Variants in ZNF417 observed in about 807,000 individuals in gnomAD.
ZNF417 encodes the protein zinc finger protein 417.
Under a neutral mutation model 7.4 loss-of-function variants are expected in ZNF417, and 5 were observed. The observed-to-expected ratio is 0.68, with a 90% CI of 0.35 to 1.43. The LOEUF (loss-of-function observed/expected upper bound fraction) is 1.43. ZNF417 is among the 40% of genes most tolerant of loss of function. ZNF417 has a pLI of 0.04. For missense variants in ZNF417, 437 were observed against 697.3 expected (o/e 0.63, Z 4.20); for synonymous variants, 147 against 239.1 (o/e 0.61, Z 3.55).
Position 57,916,403 on chromosome 19 carries a change from CGCT to C in ZNF417, c.6_8del (p.Ala5del). The C allele has an allele frequency of 6.2e-7, 1 of 1,614,140 alleles. No individual in the cohort carries two copies. The highest frequency in any genetic ancestry group is 8.5e-7 in the Non-Finnish European group (1 of 1,180,048). ...CCTGAGTCGGGCGCCTCGGCGCAGC[CGCT>C]GCCATCGGACTACTTGGGGAAGCAC... On this transcript the variant is annotated inframe_deletion, in exon 1 of 3. Transcript: ENST00000312026.
In ZNF417 at chr19:57,909,271, T is replaced by C. The variant is rs2122521043; in HGVS notation, c.1007A>G (p.Lys336Arg). 1.2e-6 allele frequency: 2 copies of C among 1,614,160 alleles called. No homozygotes were observed. The highest frequency in any genetic ancestry group is 1.6e-4 in the Middle Eastern group (1 of 6,062). ...CREYGKSFGQ[K>R]GNLIQHQQGH... ...TTGCTGATGTTGAATGAGGTTACCC[T>C]TTTGACCAAAAGATTTCCCATATTC... The change falls in exon 3 of 3, where the codon AAG becomes AGG. Residue 336 changes from lysine to arginine, a missense_variant. Transcript: ENST00000312026.
rs1289280380 is a variant in ZNF417 at position 57,916,438 on chromosome 19, G to A, written c.-27C>T. ...GGACTACTTGGGGAAGCACGGCCCG[G>A]GAGCAGTGGTCGCCGTCACGGGGCT... On this transcript the variant is annotated 5_prime_UTR_variant, in exon 1 of 3. Transcript: ENST00000312026. 6.2e-7 allele frequency: 1 copy of A among 1,613,928 alleles called. No individual in the cohort carries two copies. The highest frequency in any genetic ancestry group is 1.3e-5 in the African/African-American group (1 of 75,074).
At chr19:57,910,191 C>T in intron 2 of ZNF417, 77 bp from the exon 3 acceptor site, 6 of 1,527,290 alleles carry the variant, frequency 3.9e-6, no homozygotes, top group Non-Finnish European at 4.4e-6. Context: ...GTACGTCTCA[C>T]AAATTGAGGA....
rs2071828233 is a variant in ZNF417, at chr19:57,906,424, C to T, written c.*2126G>A. 6.6e-6 allele frequency among the ~76,000 whole-genome samples: 1 copy of T among 151,944 alleles called. No homozygotes were observed. The highest frequency in any genetic ancestry group is 2.4e-5 in the African/African-American group (1 of 41,358). On this transcript the variant is annotated 3_prime_UTR_variant, in exon 3 of 3. Coordinates refer to ENST00000312026, the MANE Select transcript of ZNF417 (RefSeq NM_152475.3). ...AACTTACAATCTTATTCACATTTCT[C>T]AAGTGCCATGCCTTTAGGTGCCTAT...
chr19:57,908,722 G>A lies in ZNF417; in HGVS notation c.1556C>T (p.Pro519Leu). Residue 519 changes from proline to leucine, a missense_variant, in exon 3 of 3, where the codon CCT becomes CTT. Physicochemically the swap from Pro to Leu is moderately conservative, Grantham distance 98 (BLOSUM62 -3). Around this residue, in one of 5 missense-constraint regions of ZNF417, gnomAD observed 233 missense variants for 235.5 expected, o/e 0.99. Coordinates refer to ENST00000312026, the MANE Select transcript of ZNF417 (RefSeq NM_152475.3). ...VHKRVHSGQKPYKCSECGKSF... is the reference protein window; with the variant it reads ...VHKRVHSGQKLYKCSECGKSF... ...TTTTCCACATTCACTGCACTTATAA[G>A]GCTTTTGTCCAGAATGAACTCTTTT... 1 of 1,614,058 alleles carries A rather than the reference G, an allele frequency of 6.2e-7. No individual in the cohort carries two copies. The highest frequency in any genetic ancestry group is 8.5e-7 in the Non-Finnish European group (1 of 1,180,024).
chr19:57,910,031 T>C lies in ZNF417; in HGVS notation c.247A>G (p.Arg83Gly), dbSNP rs767571552. 1 of 1,554,798 alleles carries C rather than the reference T, an allele frequency of 6.4e-7. No individual in the cohort carries two copies. The highest frequency in any genetic ancestry group is 1.2e-5 in the South Asian group (1 of 81,880). The change falls in exon 3 of 3, where the codon AGG becomes GGG. Residue 83 changes from arginine to glycine, a missense_variant. This residue lies in a region of ZNF417 where 60 missense variants were observed against 266.0 expected (regional missense o/e 0.23). Coordinates refer to ENST00000312026, the MANE Select transcript of ZNF417 (RefSeq NM_152475.3). ...VQRESQSRTP[R>G]AGVSPKKAHP... ...GCCTTCTTAGGAGAAACACCTGCCC[T>C]AGGAGTCCTGCTCTGAGACTCTCTT...
rs867960479 is a variant in ZNF417 at position 57,909,069 on chromosome 19, A to G, written c.1209T>C (p.Thr403=). 1 of 1,614,180 alleles carries G rather than the reference A, an allele frequency of 6.2e-7. No homozygotes were observed. Among genetic ancestry groups the G allele is most frequent in the Non-Finnish European group, 8.5e-7 (1 of 1,180,030 alleles). ...CCTTGCACTCATAGGGCCTTTCTCC[A>G]GTATGACCTCGCTGATGTTGAACGA... is the stretch of plus-strand genomic sequence containing the variant. The part of the protein sequence containing the change: ...GNLVQHQRGH[T]GERPYECKEC... Residue 403 remains threonine (T), a synonymous_variant, in exon 3 of 3, where the codon ACT becomes ACC. Coordinates refer to ENST00000312026, the MANE Select transcript of ZNF417 (RefSeq NM_152475.3).
intron 1 of ZNF417, chr19:57,915,472 T>C: frequency 4.1e-6 from 2 of 492,494 alleles, no homozygotes; most frequent in Non-Finnish European, 3.8e-6. Context: ...TGCTTGTTGC[T>C]CTCCCCACCG....
At chr19:57,910,264 G>A in intron 2 of ZNF417, 150 bp from the exon 3 acceptor site, 3 of 1,463,378 alleles carry the variant, frequency 2.1e-6, no homozygotes, top group Admixed American at 2.6e-5. Context: ...TGGGGCTGCT[G>A]GCCGGGCGCA....
rs199772848 is a variant in ZNF417 at position 57,908,528 on chromosome 19, C to T, written c.*22G>A. 6 of 1,612,478 alleles carry T rather than the reference C, an allele frequency of 3.7e-6. No individual in the cohort carries two copies. Among genetic ancestry groups the T allele is most frequent in the Middle Eastern group, 1.7e-4 (1 of 6,060 alleles). On this transcript the variant is annotated 3_prime_UTR_variant, in exon 3 of 3. Transcript: ENST00000312026. ...TAATGAGACGGGATGTTTCAGCAAA[C>T]GATTTCCCATATTCACTGCACTCAT...
In ZNF417 at chr19:57,909,686, C is replaced by G. The variant is rs1353565563; in HGVS notation, c.592G>C (p.Glu198Gln). Residue 198 changes from glutamate to glutamine, a missense_variant, in exon 3 of 3, where the codon GAA (glutamate) becomes CAA (glutamine). Coordinates refer to ENST00000312026, the MANE Select transcript of ZNF417 (RefSeq NM_152475.3). ...EAAAVEKTDS[E>Q]TMHGPPFQEG... The stretch of plus-strand genomic sequence containing the variant: ...TGAAAGGGTGGGCCATGCATAGTTT[C>G]ACTGTCTGTCTTCTCTACAGCAGCT... 1.3e-6 allele frequency: 2 copies of G among 1,518,292 alleles called. No individual in the cohort carries two copies. Among genetic ancestry groups the G allele is most frequent in the East Asian group, 4.7e-5 (2 of 42,552 alleles). 94.1% of individuals were successfully genotyped at this position (1,518,292 alleles called of 1,614,324 possible). A position where few individuals can be genotyped will look rare whatever the true frequency, so the allele number is the denominator to read the frequency against.
In ZNF417 at chr19:57,909,492, G is replaced by A. The variant is rs2071875004; in HGVS notation, c.786C>T (p.His262=). ...CACAATCATAAGGTCCTTTTGCAGT[G>A]TGATCTCGCTGATGATTACTGAAGC... is the stretch of plus-strand genomic sequence containing the variant. The part of the protein sequence containing the change: ...YVSFSNHQRD[H]TAKGPYDCGE... Residue 262 remains histidine, a synonymous_variant, in exon 3 of 3, where the codon CAC becomes CAT. Transcript: ENST00000312026. 6.2e-7 allele frequency: 1 copy of A among 1,612,990 alleles called. No homozygotes were observed. The highest frequency in any genetic ancestry group is 1.1e-5 in the South Asian group (1 of 91,038).
In ZNF417 at chr19:57,909,125, A is replaced by C; in HGVS notation, c.1153T>G (p.Cys385Gly). Reference protein sequence around the residue: ...TGERPYKCGECGKSFGQKGNL... With the variant: ...TGERPYKCGEGGKSFGQKGNL... Reference sequence around the variant, plus strand: ...CCCTTTTGACCAAAAGATTTTCCACATTCTCCACACTTGTAAGGCCTTTCT... The same window carrying C: ...CCCTTTTGACCAAAAGATTTTCCACCTTCTCCACACTTGTAAGGCCTTTCT... Residue 385 changes from cysteine (C) to glycine (G), a missense_variant, in exon 3 of 3, where the codon TGT (cysteine) becomes GGT (glycine). Physicochemically the swap from Cys to Gly is radical, Grantham distance 159. Coordinates refer to ENST00000312026, the MANE Select transcript of ZNF417 (RefSeq NM_152475.3). 1.2e-6 allele frequency: 2 copies of C among 1,614,154 alleles called. No homozygotes were observed. Among genetic ancestry groups the C allele is most frequent in the Non-Finnish European group, 1.7e-6 (2 of 1,180,038 alleles).
At chr19:57,910,317 G>A (rs1370686055) in intron 2 of ZNF417, among the ~76,000 whole-genome samples, 20 of 151,184 alleles carry the variant, frequency 1.3e-4, no homozygotes, top group Middle Eastern at 6.9e-3. Flanking sequence ...AGGCTGAGGC[G>A]GGTGGATCAC....
rs574942063 is a variant in ZNF417 at position 57,908,545 on chromosome 19, T to C, written c.*5A>G. 2.7e-5 allele frequency: 43 copies of C among 1,614,186 alleles called. No individual in the cohort carries two copies. Among genetic ancestry groups the C allele is most frequent in the Non-Finnish European group, 3.6e-5 (43 of 1,180,028 alleles). ...TCAGCAAACGATTTCCCATATTCAC[T>C]GCACTCATAAGGCCTTTCTCCTGTG... On this transcript the variant is annotated 3_prime_UTR_variant, in exon 3 of 3. Transcript: ENST00000312026.
chr19:57,914,698 C>G (rs768967337), intron 1 of ZNF417, among the ~76,000 whole-genome samples: 19 of 152,156 alleles, frequency 1.2e-4, no homozygotes, highest in African/African-American at 1.7e-4. Context: ...AGCCGGTAGC[C>G]AGTAGAACTG....
intron 2 of ZNF417, among the ~76,000 whole-genome samples, chr19:57,911,446 G>A (rs997792438): frequency 6.6e-6 from 1 of 152,142 alleles, no homozygotes; most frequent in African/African-American, 2.4e-5. Context: ...TGAGCCTATC[G>A]TGATGAGCCT....
intron 2 of ZNF417, among the ~76,000 whole-genome samples, 192 bp from the exon 3 acceptor site, chr19:57,910,306 G>T (rs2071889282): frequency 6.6e-6 from 1 of 151,574 alleles, no homozygotes; most frequent in Admixed American, 6.6e-5. Context: ...AGCACTTTGG[G>T]AGGCTGAGGC....
In ZNF417 at chr19:57,908,226, T is replaced by C. The variant is rs1225660996; in HGVS notation, c.*324A>G. 2 of 398,226 alleles carry C rather than the reference T, an allele frequency of 5.0e-6. No individual in the cohort carries two copies. Among genetic ancestry groups the C allele is most frequent in the Non-Finnish European group, 9.3e-6 (2 of 215,814 alleles). 24.7% of individuals were successfully genotyped at this position (398,226 alleles called of 1,614,324 possible). Reference sequence around the variant, plus strand: ...CCACATGAAGTGGATAACCAGCTCATAGCTCTTGTGGTACTGAAAACCAAG... The same window carrying C: ...CCACATGAAGTGGATAACCAGCTCACAGCTCTTGTGGTACTGAAAACCAAG... On this transcript the variant is annotated 3_prime_UTR_variant, in exon 3 of 3. Transcript: ENST00000312026.
Sources: allele counts gnomAD v4.1 joint callset (sites outside exome capture counted in the v4.1 genomes callset), GRCh38; gene constraint gnomAD v4.1.1; regional missense constraint gnomAD v4.1.1; transcripts MANE v1.5; gene names NCBI Gene and HGNC (gene_info 2026-07-23, HGNC 2026-07-21).